Variants in LHFPL2 observed in about 807,000 individuals in gnomAD.
LHFPL2 encodes the protein LHFPL tetraspan subfamily member 2, also known as LHFPL tetraspan subfamily member 2 protein.
LHFPL2 carries 7 observed loss-of-function variants against 17.5 expected under a neutral mutation model. The ratio of observed to expected loss-of-function variants is 0.40; its 90% CI spans 0.23 to 0.75. The LOEUF (loss-of-function observed/expected upper bound fraction) is 0.75, where lower values mean the gene tolerates loss of function less well. Among genes scored for constraint, LHFPL2 ranks in the 30% least tolerant of loss-of-function variants. The pLI is 0.37. For missense variants in LHFPL2, 241 were observed against 294.8 expected (o/e 0.82, Z 1.34); for synonymous variants, 134 against 116.2 (o/e 1.15, Z -0.99).
At chr5:78,588,906 TA>T (rs1179050066) in intron 2 of LHFPL2, among the ~76,000 whole-genome samples, 1 of 152,330 alleles carries the variant, frequency 6.6e-6, no homozygotes, top group Non-Finnish European at 1.5e-5. Context: ...CCTTTCAAAA[TA>T]ACTTACCTTT....
chr5:78,529,036 T>C (rs1755701338), intron 3 of LHFPL2, among the ~76,000 whole-genome samples: 1 of 151,958 alleles, frequency 6.6e-6, no homozygotes, highest in East Asian at 1.9e-4. Context: ...TCCCACCACT[T>C]TGAGAGGCTG....
At chr5:78,531,869 C>T (rs1218127106) in intron 3 of LHFPL2, among the ~76,000 whole-genome samples, 1 of 152,088 alleles carries the variant, frequency 6.6e-6, no homozygotes, top group Non-Finnish European at 1.5e-5. Flanking sequence ...TCAAGCGATC[C>T]TCCTACCTCA....
chr5:78,531,330 G>A (rs926486418), intron 3 of LHFPL2, among the ~76,000 whole-genome samples: 3 of 150,286 alleles, frequency 2.0e-5, no homozygotes, highest in East Asian at 2.0e-4. Flanking sequence ...CAGGAGAATC[G>A]CTTGAATCCA....
intron 2 of LHFPL2, among the ~76,000 whole-genome samples, chr5:78,608,103 T>G (rs1483027867): frequency 6.6e-6 from 1 of 151,814 alleles, no homozygotes; most frequent in Non-Finnish European, 1.5e-5. Context: ...TTCAAAGAGG[T>G]GGAACAACAG....
intron 3 of LHFPL2, among the ~76,000 whole-genome samples, chr5:78,532,291 C>G (rs1755806894): frequency 6.6e-6 from 1 of 152,154 alleles, no homozygotes; most frequent in South Asian, 2.1e-4. Flanking sequence ...AACTCCTGGG[C>G]TCAAGCGATC....
At chr5:78,560,017 G>A (rs530041977) in intron 3 of LHFPL2, among the ~76,000 whole-genome samples, 7 of 152,284 alleles carry the variant, frequency 4.6e-5, no homozygotes, top group South Asian at 4.1e-4. Context: ...GTTATTACAC[G>A]AAAGAATACA....
intron 2 of LHFPL2, among the ~76,000 whole-genome samples, chr5:78,631,520 G>A (rs1324356255): frequency 1.3e-5 from 2 of 152,214 alleles, no homozygotes; most frequent in African/African-American, 2.4e-5. Flanking sequence ...AAACAAGTAC[G>A]TAAAGCTCAC....
chr5:78,634,193 C>T (rs1044958017), intron 1 of LHFPL2, among the ~76,000 whole-genome samples: 1 of 152,212 alleles, frequency 6.6e-6, no homozygotes, highest in Non-Finnish European at 1.5e-5. Flanking sequence ...CTCTTGCTTT[C>T]TTTACAAAAG....
chr5:78,518,541 A>G (rs1755354409), intron 3 of LHFPL2, among the ~76,000 whole-genome samples: 1 of 152,230 alleles, frequency 6.6e-6, no homozygotes. Flanking sequence ...CACACTCCTC[A>G]GGGGAACGTG....
chr5:78,524,184 G>A (rs80041866), intron 3 of LHFPL2, among the ~76,000 whole-genome samples: 1,908 of 152,288 alleles, frequency 0.013, 39 homozygotes, highest in African/African-American at 0.042. Context: ...CCCGGGCCTT[G>A]CTCACCTTGC....
intron 4 of LHFPL2, among the ~76,000 whole-genome samples, chr5:78,504,395 C>A (rs758887754): frequency 1.3e-5 from 2 of 152,174 alleles, no homozygotes; most frequent in Non-Finnish European, 2.9e-5. Context: ...TCCCAAGCCC[C>A]TGTTCTGATT....
At chr5:78,576,955 A>G (rs1757149619) in intron 2 of LHFPL2, among the ~76,000 whole-genome samples, 1 of 152,358 alleles carries the variant, frequency 6.6e-6, no homozygotes, top group African/African-American at 2.4e-5. Context: ...TCTTTACAGG[A>G]AGTACCCACA....
intron 2 of LHFPL2, among the ~76,000 whole-genome samples, chr5:78,595,419 C>G (rs1457420954): frequency 6.6e-6 from 1 of 152,244 alleles, no homozygotes; most frequent in African/African-American, 2.4e-5. Context: ...CACCAGAAAT[C>G]TATAAGCCCT....
At chr5:78,515,660 C>A (rs1755270122) in intron 3 of LHFPL2, among the ~76,000 whole-genome samples, 1 of 152,212 alleles carries the variant, frequency 6.6e-6, no homozygotes, top group African/African-American at 2.4e-5. Context: ...AGGAGAATGA[C>A]AGCTACCTGT....
chr5:78,522,581 T>A (rs2112344284), intron 3 of LHFPL2, among the ~76,000 whole-genome samples: 1 of 152,362 alleles, frequency 6.6e-6, no homozygotes, highest in Non-Finnish European at 1.5e-5. Flanking sequence ...GCACTGAAGT[T>A]CTAAAGTGGT....
In LHFPL2 at chr5:78,642,473, G is replaced by T. The variant is rs115947689; in HGVS notation, c.-350+6026C>A. 2.9e-3 allele frequency among the ~76,000 whole-genome samples: 448 copies of T among 152,266 alleles called. 2 individuals carry two copies. The highest frequency in any genetic ancestry group is 0.01 in the African/African-American group (417 of 41,550). On this transcript the variant is annotated intron_variant, in intron 1 of 4. Transcript: ENST00000380345. ...ATCAGTACAAGCCTGGTCATTTGAG[G>T]CTAAAGTCAAGGGCTTGATGGACAA...
At chr5:78,575,962 A>G (rs1264859767) in intron 2 of LHFPL2, among the ~76,000 whole-genome samples, 3 of 152,324 alleles carry the variant, frequency 2.0e-5, no homozygotes, top group Admixed American at 6.5e-5. Context: ...GGCCTGGTGC[A>G]ATCTTACAGG....
intron 2 of LHFPL2, among the ~76,000 whole-genome samples, chr5:78,583,430 C>T (rs1743227366): frequency 6.7e-6 from 1 of 150,276 alleles, no homozygotes; most frequent in Admixed American, 6.6e-5. Context: ...CTGGTTGTTC[C>T]TTTCCATGTT....
chr5:78,500,705 A>C (rs1475303718), intron 4 of LHFPL2, among the ~76,000 whole-genome samples: 2 of 152,142 alleles, frequency 1.3e-5, no homozygotes, highest in Admixed American at 6.6e-5. Context: ...ATGAATCAAG[A>C]ATTTTTGCCC....
Sources: gnomAD v4.1 joint callset for allele counts (sites outside exome capture counted in the v4.1 genomes callset) on GRCh38, gnomAD v4.1.1 for gene constraint, MANE v1.5 for transcripts, NCBI Gene and HGNC (gene_info 2026-07-23, HGNC 2026-07-21) for gene names.